HIP1: variants seen among roughly 807,000 people sequenced by gnomAD.
HIP1 encodes huntingtin-interacting protein 1.
HIP1 carries 65 observed loss-of-function variants against 147.6 expected under a neutral mutation model. That is an observed-to-expected ratio of 0.44 (90% CI 0.36 to 0.54). HIP1 has a LOEUF of 0.54. Ranked by LOEUF, HIP1 falls within the 20% of genes least tolerant of loss-of-function variation. HIP1 has a pLI of 0.00. For missense variants in HIP1, 1,061 were observed against 1,299.6 expected, an observed-to-expected ratio of 0.82 and a Z score of 2.82; for synonymous variants, 479 against 504.0, an observed-to-expected ratio of 0.95 and a Z score of 0.67.
At chr7:75,571,840 T>C (rs1795646814) in intron 8 of HIP1, among the ~76,000 whole-genome samples, 1 of 152,126 alleles carries the variant, frequency 6.6e-6, no homozygotes, top group South Asian at 2.1e-4. Flanking sequence ...TGCATCAGCC[T>C]CCCAAAGTGA....
chr7:75,672,158 G>T (rs1164509350), intron 1 of HIP1, among the ~76,000 whole-genome samples: 1 of 152,078 alleles, frequency 6.6e-6, no homozygotes, highest in Non-Finnish European at 1.5e-5. Context: ...TTGACCATTT[G>T]TATATCTTCT....
chr7:75,658,615 G>T (rs1215728100), intron 1 of HIP1, among the ~76,000 whole-genome samples: 1 of 152,020 alleles, frequency 6.6e-6, no homozygotes, highest in Non-Finnish European at 1.5e-5. Flanking sequence ...GCAGGAAAAA[G>T]GCTGTTAAAA....
chr7:75,617,424 C>T (rs1221700477), intron 1 of HIP1, among the ~76,000 whole-genome samples: 1 of 151,898 alleles, frequency 6.6e-6, no homozygotes, highest in Non-Finnish European at 1.5e-5. Flanking sequence ...CCTGTGTTGC[C>T]CAGGCTGGTC....
intron 1 of HIP1, among the ~76,000 whole-genome samples, chr7:75,602,563 C>T (rs1339095904): frequency 1.4e-4 from 18 of 132,684 alleles, no homozygotes; most frequent in East Asian, 1.1e-3. Context: ...AGTGCAGTGG[C>T]GTGACCTCGG....
At chr7:75,684,154 C>A (rs553667260) in intron 1 of HIP1, among the ~76,000 whole-genome samples, 7 of 151,634 alleles carry the variant, frequency 4.6e-5, no homozygotes, top group East Asian at 3.9e-4. Context: ...AAACAAAAAA[C>A]CACACAAAAA....
In HIP1 at chr7:75,557,677, T is replaced by C. The variant is rs782411687; in HGVS notation, c.1558A>G (p.Ile520Val). 3.1e-6 allele frequency: 5 copies of C among 1,614,000 alleles called. No individual in the cohort carries two copies. The East Asian group carries it at 1.1e-4, about 36-fold the overall frequency. ...KKELEDSLER[I>V]SDQGQRKTQE... Reference sequence around the variant, plus strand: ...ACCTTCCGCTGGCCCTGGTCACTGATGCGCTCCAACGAATCCTCCAGCTCT... The same window carrying C: ...ACCTTCCGCTGGCCCTGGTCACTGACGCGCTCCAACGAATCCTCCAGCTCT... Residue 520 changes from isoleucine (I) to valine (V), a missense_variant, in exon 16 of 31, where the codon ATC (isoleucine) becomes GTC (valine). Physicochemically the swap from Ile to Val is conservative, Grantham distance 29. Coordinates refer to ENST00000336926, the MANE Select transcript of HIP1 (RefSeq NM_005338.7).
chr7:75,631,991 C>T (rs895705320), intron 1 of HIP1, among the ~76,000 whole-genome samples: 1 of 152,132 alleles, frequency 6.6e-6, no homozygotes, highest in East Asian at 1.9e-4. Flanking sequence ...GTCTTAAAAC[C>T]CATGTTTGCA....
Position 75,570,748 on chromosome 7 carries a change from T to C in HIP1, c.746-2492A>G, listed in dbSNP as rs587760671. Among the ~76,000 whole-genome samples the C allele has an allele frequency of 2.0e-5, 3 of 152,020 alleles. No homozygotes were observed. In the South Asian group the frequency reaches 6.3e-4, roughly 32 times the overall value. On this transcript the variant is annotated intron_variant, in intron 8 of 30. Transcript: ENST00000336926. ...AGGGCCAGCTGCAGTGGCTCACAAT[T>C]GCAATCCCAGCACTTTGGGAGGCCG...
At chr7:75,588,220 A>G (rs1310627197) in intron 4 of HIP1, among the ~76,000 whole-genome samples, 1 of 152,202 alleles carries the variant, frequency 6.6e-6, no homozygotes, top group East Asian at 1.9e-4. Flanking sequence ...TTCTCTCTGG[A>G]GGAACCTGCC....
chr7:75,573,960 T>G, intron 7 of HIP1, 59 bp from the exon 8 acceptor site: 3 of 1,517,122 alleles, frequency 2.0e-6, no homozygotes, highest in Non-Finnish European at 2.7e-6. Context: ...GGCAGCCTCT[T>G]CAGAGGGGCA....
chr7:75,682,261 T>G, intron 1 of HIP1, among the ~76,000 whole-genome samples: 1 of 150,614 alleles, frequency 6.6e-6, no homozygotes, highest in Non-Finnish European at 1.5e-5. Flanking sequence ...CAGCCTATCA[T>G]CATTTTTTTT....
Position 75,713,616 on chromosome 7 carries a change from C to A in HIP1, c.120+25185G>T, listed in dbSNP as rs970520860. 2.6e-5 allele frequency among the ~76,000 whole-genome samples: 4 copies of A among 152,214 alleles called. No homozygotes were observed. In the South Asian group the frequency reaches 8.3e-4, roughly 32 times the overall value. On this transcript the variant is annotated intron_variant, in intron 1 of 30. Transcript: ENST00000336926. Reference sequence around the variant, plus strand: ...GTCCTGTTCCTCTGCATATGTGGGTCTCTAGAGTCCCCAGGGATGAAAGGC... The same window carrying A: ...GTCCTGTTCCTCTGCATATGTGGGTATCTAGAGTCCCCAGGGATGAAAGGC...
In HIP1 at chr7:75,560,975, CAG is replaced by C. The variant is rs1445297767; in HGVS notation, c.1191+352_1191+353del. On this transcript the variant is annotated intron_variant, in intron 13 of 30. Transcript: ENST00000336926. ...GCAATTTTTTTTTTTTTTTTTGAGA[CAG>C]AGTCTTGTTCTATCGCCCAGGCTGG... 4.3e-5 allele frequency among the ~76,000 whole-genome samples: 6 copies of C among 139,634 alleles called. No individual in the cohort carries two copies. In the South Asian group the frequency reaches 1.1e-3, roughly 26 times the overall value. 91.6% of individuals were successfully genotyped at this position (139,634 alleles called of 152,430 possible). A position where few individuals can be genotyped will look rare whatever the true frequency, so the allele number is the denominator to read the frequency against.
chr7:75,639,671 G>A (rs1174501060), intron 1 of HIP1, among the ~76,000 whole-genome samples: 1 of 151,850 alleles, frequency 6.6e-6, no homozygotes, highest in African/African-American at 2.4e-5. Flanking sequence ...CTCAGGAAGT[G>A]AGCAGGGGAG....
intron 1 of HIP1, among the ~76,000 whole-genome samples, chr7:75,734,601 C>T (rs1441538266): frequency 1.3e-5 from 2 of 152,046 alleles, no homozygotes; most frequent in East Asian, 3.8e-4. Flanking sequence ...TCAATAAGCT[C>T]AGTGTTCAAT....
intron 25 of HIP1, among the ~76,000 whole-genome samples, chr7:75,546,508 T>G (rs1007012451): frequency 2.0e-5 from 3 of 152,154 alleles, no homozygotes; most frequent in Non-Finnish European, 4.4e-5. Flanking sequence ...CACGAAGTGG[T>G]GCGTTGATAA....
At position 75,710,602 on chromosome 7, in the gene HIP1, G is replaced by A. The variant is rs115738693; in HGVS notation, c.120+28199C>T. 4.2e-3 allele frequency among the ~76,000 whole-genome samples: 646 copies of A among 152,196 alleles called. 3 individuals carry two copies. The highest frequency in any genetic ancestry group is 0.014 in the African/African-American group (577 of 41,522). ...ACTGGTGTTAGTTCTAAACGATCTT[G>A]TAAAGCCAGGCATGGTGGCACATGT... On this transcript the variant is annotated intron_variant, in intron 1 of 30. Coordinates refer to ENST00000336926, the MANE Select transcript of HIP1 (RefSeq NM_005338.7).
intron 1 of HIP1, among the ~76,000 whole-genome samples, chr7:75,714,782 G>C (rs1801266896): frequency 6.6e-6 from 1 of 152,128 alleles, no homozygotes; most frequent in Admixed American, 6.6e-5. Context: ...CCATGGAAGA[G>C]TCACTGAAAC....
At chr7:75,627,393 G>A (rs1554508172) in intron 1 of HIP1, among the ~76,000 whole-genome samples, 3 of 152,106 alleles carry the variant, frequency 2.0e-5, no homozygotes, top group African/African-American at 7.2e-5. Flanking sequence ...AACCTGCCCA[G>A]GTAAGTGGTA....
Sources: gnomAD v4.1 joint callset for allele counts (sites outside exome capture counted in the v4.1 genomes callset) on GRCh38, gnomAD v4.1.1 for gene constraint, MANE v1.5 for transcripts, NCBI Gene and HGNC (gene_info 2026-07-23, HGNC 2026-07-21) for gene names.